The following PLA2G4D variants were observed in gnomAD, a reference collection of about 807,000 sequenced individuals.
PLA2G4D encodes the protein phospholipase A2 group IVD.
PLA2G4D carries 80 observed loss-of-function variants against 94.4 expected under a neutral mutation model. The observed-to-expected ratio is 0.85, with a 90% confidence interval of 0.71 to 1.02. PLA2G4D has a LOEUF of 1.02. Ranked by LOEUF, PLA2G4D falls within the 50% of genes least tolerant of loss-of-function variation. The pLI is 0.00. For synonymous variants in PLA2G4D, 438 were observed against 440.9 expected (o/e 0.99, Z 0.08); for missense variants, 1,050 against 1,034.7 (o/e 1.01, Z -0.20).
At chr15:42,083,470 G>A in intron 7 of PLA2G4D, 136 bp from the exon 8 acceptor site, 1 of 1,351,028 alleles carries the variant, frequency 7.4e-7, no homozygotes, top group Non-Finnish European at 1.0e-6. Context: ...TCTGAAAAGG[G>A]CCCTTCCCAG....
intron 13 of PLA2G4D, among the ~76,000 whole-genome samples, chr15:42,078,232 A>G (rs778749208): frequency 3.3e-5 from 5 of 152,228 alleles, no homozygotes; most frequent in African/African-American, 4.8e-5. Context: ...CCTGGGGGAC[A>G]CCAAGAATCT....
At chr15:42,078,054 C>T (rs1451224866) in intron 13 of PLA2G4D, among the ~76,000 whole-genome samples, 2 of 152,224 alleles carry the variant, frequency 1.3e-5, no homozygotes, top group Non-Finnish European at 2.9e-5. Flanking sequence ...CCTTAATTTG[C>T]ATGTAATTAA....
In PLA2G4D at chr15:42,067,832, A is replaced by G. The variant is rs886614918; in HGVS notation, c.*883T>C. 8 of 152,250 alleles carry G rather than the reference A, an allele frequency of 5.3e-5. No homozygotes were observed. Among genetic ancestry groups the G allele is most frequent in the African/African-American group, 1.9e-4 (8 of 41,460 alleles). The allele number at this position is 152,250 out of a possible 1,614,324, so 9.4% of individuals were successfully genotyped here. ...CTCAACCTGATAAGGATGTCCAAGA[A>G]AAACCCACAGCTAAAATCACACTAA... On this transcript the variant is annotated 3_prime_UTR_variant, in exon 20 of 20. Transcript: ENST00000290472.
At position 42,085,091 on chromosome 15, in the gene PLA2G4D, C is replaced by G. The variant is rs1890115283; in HGVS notation, c.471+5G>C. On this transcript the variant is annotated splice_donor_5th_base_variant and intron_variant, in intron 6 of 19. Coordinates refer to ENST00000290472, the MANE Select transcript of PLA2G4D (RefSeq NM_178034.4). Reference sequence around the variant, plus strand: ...CCCTCCCCTAAGCCTGGGGAAGGTGCTTACCACAATGACTTTGTTGGTGAT... The same window carrying G: ...CCCTCCCCTAAGCCTGGGGAAGGTGGTTACCACAATGACTTTGTTGGTGAT... 6.2e-7 allele frequency: 1 copy of G among 1,614,052 alleles called. No individual in the cohort carries two copies. Among genetic ancestry groups the G allele is most frequent in the Admixed American group, 1.7e-5 (1 of 60,012 alleles).
At chr15:42,085,070 C>A in intron 6 of PLA2G4D, 26 bp downstream of exon 6, 1 of 1,613,982 alleles carries the variant, frequency 6.2e-7, no homozygotes, top group Non-Finnish European at 8.5e-7. Context: ...TGGGGCCCCT[C>A]CCCTAAGCCT....
chr15:42,090,542 G>A (rs1019824981), intron 1 of PLA2G4D, among the ~76,000 whole-genome samples: 24 of 152,162 alleles, frequency 1.6e-4, no homozygotes, highest in African/African-American at 7.2e-5. Flanking sequence ...GAGCAGACCC[G>A]CCCTGTTCCC....
At chr15:42,085,025 C>A in intron 6 of PLA2G4D, 71 bp downstream of exon 6, 1 of 1,550,512 alleles carries the variant, frequency 6.4e-7, no homozygotes. Context: ...GGTCCACACC[C>A]CAGGCAGCTG....
rs539535622 is a variant in PLA2G4D, at chr15:42,094,437, C to T, written c.23G>A (p.Gly8Glu). The T allele has an allele frequency of 6.2e-7, 1 of 1,614,056 alleles. No homozygotes were observed. The highest frequency in any genetic ancestry group is 8.5e-7 in the Non-Finnish European group (1 of 1,179,970). MESLSPG[G>E]PPGHPYQGEA... is the part of the protein sequence containing the mutation. ...TACCTGGTAAGGGTGGCCAGGTGGT[C>T]CCCCAGGTGACAGGCTCTCCATGCT... Residue 8 changes from glycine to glutamate, a missense_variant, in exon 1 of 20, where the codon GGA (glycine) becomes GAA (glutamate). Transcript: ENST00000290472.
At chr15:42,078,980 A>G (rs1889979818) in intron 13 of PLA2G4D, among the ~76,000 whole-genome samples, 1 of 152,264 alleles carries the variant, frequency 6.6e-6, no homozygotes, top group African/African-American at 2.4e-5. Context: ...AGAATACTAA[A>G]GAAATATAAT....
rs1295394217 is a variant in PLA2G4D, at chr15:42,083,648, G to C, written c.535+68C>G. ...GCTGCTGGCCTCCTGCCCTGCGCAGGCTTCCCAGCAATCCTCCTCACCCCC... is the reference window on the plus strand; with the variant it reads ...GCTGCTGGCCTCCTGCCCTGCGCAGCCTTCCCAGCAATCCTCCTCACCCCC... On this transcript the variant is annotated intron_variant, in intron 7 of 19. Coordinates refer to ENST00000290472, the MANE Select transcript of PLA2G4D (RefSeq NM_178034.4). The C allele has an allele frequency of 8.2e-6, 13 of 1,580,710 alleles. No homozygotes were observed. In the Admixed American group the frequency reaches 8.4e-5, roughly 10 times the overall value.
chr15:42,078,113 G>T (rs1484965054), intron 13 of PLA2G4D, among the ~76,000 whole-genome samples: 1 of 152,256 alleles, frequency 6.6e-6, no homozygotes, highest in Admixed American at 6.5e-5. Flanking sequence ...TGCTGCTCTG[G>T]ACACACTGCT....
At chr15:42,089,768 G>C (rs1280380015) in intron 1 of PLA2G4D, among the ~76,000 whole-genome samples, 1 of 152,058 alleles carries the variant, frequency 6.6e-6, no homozygotes, top group African/African-American at 2.4e-5. Flanking sequence ...CTGCTCCCCC[G>C]GCCAGGCTGA....
At chr15:42,071,719 C>T (rs74547767) in intron 15 of PLA2G4D, 55 bp downstream of exon 15, 162,057 of 1,564,068 alleles carry the variant, frequency 0.1, 9,244 homozygotes, top group Non-Finnish European at 0.12. Flanking sequence ...GGACCCATGT[C>T]CATTCAGACA....
At chr15:42,072,132 T>C in intron 14 of PLA2G4D, 143 bp downstream of exon 14, 1 of 960,540 alleles carries the variant, frequency 1.0e-6, no homozygotes, top group Non-Finnish European at 1.6e-6. Context: ...CACAGAGAGA[T>C]GCCCTGAGCC....
intron 18 of PLA2G4D, 175 bp downstream of exon 18, chr15:42,070,542 A>G: frequency 1.3e-6 from 1 of 788,936 alleles, no homozygotes. Flanking sequence ...AGGCCCCTGC[A>G]CCACCCCAGC....
At chr15:42,081,738 A>T (rs1271662389) in intron 10 of PLA2G4D, 59 bp downstream of exon 10, 8 of 1,613,058 alleles carry the variant, frequency 5.0e-6, no homozygotes, top group Non-Finnish European at 4.2e-6. Flanking sequence ...CTTTGTCCAT[A>T]GCCCTCCCCT....
Position 42,068,639 on chromosome 15 carries a change from A to G in PLA2G4D, c.*76T>C, listed in dbSNP as rs2141090401. The G allele has an allele frequency of 7.2e-7, 1 of 1,392,278 alleles. No homozygotes were observed. The highest frequency in any genetic ancestry group is 1.8e-4 in the Middle Eastern group (1 of 5,422). The allele number at this position is 1,392,278 out of a possible 1,614,324, so 86.2% of individuals were successfully genotyped here. Reference sequence around the variant, plus strand: ...GGAGAGCCCAGAACTCCAACCAGGAAGGCCTGTGGCTGAGCCCAGCTACAG... The same window carrying G: ...GGAGAGCCCAGAACTCCAACCAGGAGGGCCTGTGGCTGAGCCCAGCTACAG... On this transcript the variant is annotated 3_prime_UTR_variant, in exon 20 of 20. Transcript: ENST00000290472.
intron 13 of PLA2G4D, among the ~76,000 whole-genome samples, chr15:42,078,265 G>C (rs968423937): frequency 6.6e-6 from 1 of 152,214 alleles, no homozygotes; most frequent in Non-Finnish European, 1.5e-5. Flanking sequence ...CCCCAGTTTT[G>C]AGGCTCCCTT....
At chr15:42,087,842 C>G (rs1890181663) in intron 1 of PLA2G4D, 142 bp from the exon 2 acceptor site, 1 of 788,880 alleles carries the variant, frequency 1.3e-6, no homozygotes, top group Admixed American at 2.6e-5. Flanking sequence ...CGGGGACACC[C>G]TCTGGGGACC....
Sources: gnomAD v4.1 joint callset for allele counts (sites outside exome capture counted in the v4.1 genomes callset) on GRCh38, gnomAD v4.1.1 for gene constraint, MANE v1.5 for transcripts, NCBI Gene and HGNC (gene_info 2026-07-23, HGNC 2026-07-21) for gene names.